The following LRRC7 variants were observed in gnomAD, a reference collection of about 807,000 sequenced individuals.
The protein encoded by LRRC7 is leucine-rich repeat-containing protein 7.
In LRRC7, 23 loss-of-function variants were observed where a neutral mutation model predicts 175.7. The ratio of observed to expected loss-of-function variants is 0.13; its 90% confidence interval spans 0.09 to 0.19. The LOEUF (loss-of-function observed/expected upper bound fraction) is 0.19. Among genes scored for constraint, LRRC7 ranks in the 10% least tolerant of loss-of-function variants. The pLI is 1.00. For missense variants in LRRC7, 1,354 were observed against 1,904.7 expected, an observed-to-expected ratio of 0.71 and a Z score of 5.38; for synonymous variants, 685 against 680.9, an observed-to-expected ratio of 1.01 and a Z score of -0.09.
intron 4 of LRRC7, among the ~76,000 whole-genome samples, chr1:69,793,757 C>A (rs771154598): frequency 1.3e-5 from 2 of 151,774 alleles, no homozygotes; most frequent in Non-Finnish European, 2.9e-5. Flanking sequence ...CTTTTGTTTA[C>A]TGCTGTATTT....
At position 70,023,387 on chromosome 1, in the gene LRRC7, G is replaced by A; in HGVS notation, c.1794+13G>A. 6.4e-7 allele frequency: 1 copy of A among 1,554,778 alleles called. No homozygotes were observed. The highest frequency in any genetic ancestry group is 1.2e-5 in the South Asian group (1 of 80,354). On this transcript the variant is annotated intron_variant, in intron 17 of 26. Transcript: ENST00000651989. ...AAGTGGCAGACAGGTAGGCCTAGGTGTCTGGGGTAGGAGAATCTCCCATGT... is the reference window on the plus strand; with the variant it reads ...AAGTGGCAGACAGGTAGGCCTAGGTATCTGGGGTAGGAGAATCTCCCATGT...
At chr1:70,013,482 T>C (rs1656701765) in intron 13 of LRRC7, among the ~76,000 whole-genome samples, 1 of 151,972 alleles carries the variant, frequency 6.6e-6, no homozygotes. Context: ...GTCTATATTT[T>C]GGTTTCCAAC....
rs764012138 is a variant in LRRC7 at position 70,076,130 on chromosome 1, C to T, written c.4284C>T (p.Ser1428=). ...LMGSQSLQHR[S]REQQPYEGNI... ...GGTCCCAAAGCCTTCAGCATCGCAG[C>T]CGGGAGCAGCAGCCGTATGAAGGAA... Residue 1428 remains serine, a synonymous_variant, in exon 24 of 27, where the codon AGC becomes AGT. Transcript: ENST00000651989. The T allele has an allele frequency of 2.2e-5, 35 of 1,613,918 alleles. No individual in the cohort carries two copies. The highest frequency in any genetic ancestry group is 2.5e-5 in the Non-Finnish European group (29 of 1,179,986).
intron 23 of LRRC7, among the ~76,000 whole-genome samples, chr1:70,062,451 T>C (rs971367594): frequency 1.3e-5 from 2 of 152,098 alleles, no homozygotes; most frequent in African/African-American, 4.8e-5. Context: ...AGAAAATCAA[T>C]AGAGCCATGC....
At chr1:69,832,346 G>A (rs1680622743) in intron 5 of LRRC7, among the ~76,000 whole-genome samples, 1 of 152,120 alleles carries the variant, frequency 6.6e-6, no homozygotes, top group Admixed American at 6.6e-5. Context: ...AACAGACCAG[G>A]CTTTAGCAGC....
chr1:70,039,227 GCT>G lies in LRRC7; in HGVS notation c.3404_3405del (p.Ala1135GlyfsTer32). On this transcript the variant is annotated frameshift_variant, in exon 21 of 27. Coordinates refer to ENST00000651989, the MANE Select transcript of LRRC7 (RefSeq NM_001370785.2). LOFTEE classifies it high-confidence loss of function. ...TTCTCAGCCATCTGTGAATGAGGAT[GCT>G]GTGGTGAATGCCCAGTTCGCAAGCC... Reference protein sequence around the residue: ...SFSQPSVNEDAVVNAQFASQG... With the variant: ...SFSQPSVNEDXVVNAQFASQG... The G allele has an allele frequency of 6.2e-7, 1 of 1,613,952 alleles. No homozygotes were observed. The highest frequency in any genetic ancestry group is 1.7e-4 in the Middle Eastern group (1 of 6,060).
At chr1:69,754,999 G>C (rs1182013785) in intron 2 of LRRC7, among the ~76,000 whole-genome samples, 2 of 151,842 alleles carry the variant, frequency 1.3e-5, no homozygotes, top group Non-Finnish European at 2.9e-5. Flanking sequence ...TCAGTGTCTG[G>C]GTAGAGAAAG....
At chr1:69,734,989 A>T (rs964430791) in intron 2 of LRRC7, among the ~76,000 whole-genome samples, 1 of 151,920 alleles carries the variant, frequency 6.6e-6, no homozygotes, top group Non-Finnish European at 1.5e-5. Flanking sequence ...GGAAAAAAAA[A>T]CCACCTATAT....
intron 8 of LRRC7, among the ~76,000 whole-genome samples, chr1:69,932,832 A>G (rs139173800): frequency 6.6e-6 from 1 of 152,306 alleles, no homozygotes; most frequent in Non-Finnish European, 1.5e-5. Flanking sequence ...TCTGGCCTCA[A>G]GCTAGTTTTC....
chr1:69,927,824 C>T (rs1415006300), intron 7 of LRRC7, among the ~76,000 whole-genome samples: 2 of 152,212 alleles, frequency 1.3e-5, no homozygotes, highest in African/African-American at 4.8e-5. Context: ...AGTCATACGC[C>T]GTCCAGCTTT....
intron 1 of LRRC7, among the ~76,000 whole-genome samples, chr1:69,584,922 G>T (rs950322823): frequency 1.3e-5 from 2 of 151,992 alleles, no homozygotes; most frequent in African/African-American, 4.8e-5. Flanking sequence ...TTTTTACCTG[G>T]TTAACTCCTA....
At chr1:69,902,440 A>T (rs2101671707) in intron 7 of LRRC7, among the ~76,000 whole-genome samples, 1 of 152,202 alleles carries the variant, frequency 6.6e-6, no homozygotes, top group Middle Eastern at 3.4e-3. Flanking sequence ...GCATGGTGGC[A>T]TGCATCTGTA....
chr1:70,033,185 G>A (rs7354891), intron 18 of LRRC7, among the ~76,000 whole-genome samples: 33,594 of 151,972 alleles, frequency 0.22, 3,795 homozygotes, highest in African/African-American at 0.26. Context: ...TTTGAGTAGC[G>A]CAGATCCCAG....
At chr1:70,109,018 TTTTG>T (rs147959879) in intron 26 of LRRC7, among the ~76,000 whole-genome samples, 19,406 of 151,948 alleles carry the variant, frequency 0.13, 1,681 homozygotes, top group African/African-American at 0.25. Context: ...GTTGTTTTGT[TTTTG>T]TTTTTGTTTT....
intron 9 of LRRC7, among the ~76,000 whole-genome samples, chr1:69,982,334 A>G (rs1236785181): frequency 6.6e-6 from 1 of 152,242 alleles, no homozygotes. Flanking sequence ...CCTCCCTGCC[A>G]GAAATAGCCA....
chr1:69,986,919 T>TATAATTCATTAGTATCAA (rs953726157), intron 10 of LRRC7, among the ~76,000 whole-genome samples: 6 of 152,150 alleles, frequency 3.9e-5, no homozygotes, highest in Admixed American at 6.6e-5. Context: ...CCGGTTAGTG[T>TATAATTCATTAGTATCAA]ATAAAAAGCA....
chr1:69,643,437 T>C (rs907857664), intron 1 of LRRC7, among the ~76,000 whole-genome samples: 12 of 152,130 alleles, frequency 7.9e-5, no homozygotes, highest in African/African-American at 1.2e-4. Flanking sequence ...CAATATCACA[T>C]GAGGGCCCAA....
intron 7 of LRRC7, among the ~76,000 whole-genome samples, chr1:69,906,103 T>G (rs1646300359): frequency 6.6e-6 from 1 of 151,972 alleles, no homozygotes; most frequent in African/African-American, 2.4e-5. Context: ...TTTGATGGGG[T>G]TGTTTGTTTT....
At chr1:69,693,096 C>G (rs931198463) in intron 2 of LRRC7, among the ~76,000 whole-genome samples, 2 of 152,168 alleles carry the variant, frequency 1.3e-5, no homozygotes, top group Non-Finnish European at 2.9e-5. Context: ...ACATCACTGG[C>G]TTTCCTGGGT....
Sources: gnomAD v4.1 joint callset for allele counts (sites outside exome capture counted in the v4.1 genomes callset) on GRCh38, gnomAD v4.1.1 for gene constraint, MANE v1.5 for transcripts, NCBI Gene and HGNC (gene_info 2026-07-23, HGNC 2026-07-21) for gene names.